TNNI3K: variants seen among roughly 807,000 people sequenced by gnomAD.
TNNI3K encodes serine/threonine-protein kinase TNNI3K.
TNNI3K carries 140 observed loss-of-function variants against 114.5 expected under a neutral mutation model. That is an observed-to-expected ratio of 1.22 (90% CI 1.07 to 1.41). The LOEUF is 1.41. TNNI3K is among the 40% of genes most tolerant of loss of function. The pLI is 0.00. For synonymous variants in TNNI3K, 347 were observed against 347.5 expected (o/e 1.00, Z 0.02); for missense variants, 1,125 against 1,007.6 (o/e 1.12, Z -1.58).
chr1:74,461,016 T>C (rs935405039), intron 20 of TNNI3K, among the ~76,000 whole-genome samples: 7 of 152,212 alleles, frequency 4.6e-5, no homozygotes, highest in Admixed American at 4.6e-4. Context: ...CATTAGACTA[T>C]GCACAACTAT....
intron 22 of TNNI3K, among the ~76,000 whole-genome samples, chr1:74,491,429 AGATGGTGTCGATCTGTTGACCAG>A (rs1669070539): frequency 1.3e-5 from 2 of 152,158 alleles, no homozygotes. Flanking sequence ...CATGTTGACC[AGATGGTGTCGATCTGTTGACCAG>A]GATGGTGTCG....
chr1:74,419,107 G>C (rs1665273787), intron 17 of TNNI3K, among the ~76,000 whole-genome samples: 1 of 152,048 alleles, frequency 6.6e-6, no homozygotes, highest in Non-Finnish European at 1.5e-5. Context: ...CTGGAGGGCA[G>C]ATTCAAAGTT....
At chr1:74,534,059 C>A (rs919760312) in intron 23 of TNNI3K, among the ~76,000 whole-genome samples, 6 of 152,156 alleles carry the variant, frequency 3.9e-5, no homozygotes, top group African/African-American at 1.2e-4. Flanking sequence ...AGACACCCCA[C>A]AGGGGTTTTA....
At chr1:74,451,728 T>C (rs1479868655) in intron 20 of TNNI3K, among the ~76,000 whole-genome samples, 18 of 73,530 alleles carry the variant, frequency 2.4e-4, no homozygotes, top group African/African-American at 9.6e-4. Flanking sequence ...TCTTTCTTTC[T>C]TTCTTTCTTT....
intron 23 of TNNI3K, among the ~76,000 whole-genome samples, chr1:74,534,527 G>T (rs746089685): frequency 1.4e-4 from 22 of 152,236 alleles, no homozygotes; most frequent in Middle Eastern, 3.4e-3. Flanking sequence ...GGCTCTAAAT[G>T]GGGCCATTTG....
At chr1:74,365,199 T>C (rs1283660029) in intron 11 of TNNI3K, among the ~76,000 whole-genome samples, 1 of 152,118 alleles carries the variant, frequency 6.6e-6, no homozygotes, top group South Asian at 2.1e-4. Context: ...CAAGGGTGGA[T>C]TATCGTTTCT....
chr1:74,320,249 T>A (rs983284160), intron 5 of TNNI3K, among the ~76,000 whole-genome samples: 4 of 152,200 alleles, frequency 2.6e-5, no homozygotes, highest in African/African-American at 9.7e-5. Flanking sequence ...TCTGACTAGA[T>A]GATGTGTGTT....
At chr1:74,485,736 G>A (rs982917558) in intron 21 of TNNI3K, among the ~76,000 whole-genome samples, 2 of 152,110 alleles carry the variant, frequency 1.3e-5, no homozygotes, top group African/African-American at 4.8e-5. Flanking sequence ...TGCCCTTGCC[G>A]GTTAGGAAAA....
chr1:74,450,996 A>G (rs1356827899), intron 20 of TNNI3K, among the ~76,000 whole-genome samples: 1 of 152,206 alleles, frequency 6.6e-6, no homozygotes, highest in Non-Finnish European at 1.5e-5. Context: ...GATGGAATCA[A>G]CCCAAATGCC....
intron 17 of TNNI3K, among the ~76,000 whole-genome samples, chr1:74,428,665 G>A (rs898054653): frequency 2.0e-5 from 3 of 152,052 alleles, no homozygotes; most frequent in African/African-American, 7.2e-5. Context: ...CCTGAAGCAG[G>A]GGCTCATGCC....
chr1:74,451,991 G>T (rs45441693), intron 20 of TNNI3K, among the ~76,000 whole-genome samples: 3,395 of 151,810 alleles, frequency 0.022, 119 homozygotes, highest in African/African-American at 0.079. Context: ...AACATCCACT[G>T]AAATAATATT....
intron 2 of TNNI3K, among the ~76,000 whole-genome samples, chr1:74,242,765 G>T (rs1464149696): frequency 6.6e-6 from 1 of 152,100 alleles, no homozygotes; most frequent in Non-Finnish European, 1.5e-5. Context: ...TTTCTTGTTT[G>T]TCCAGGTAAA....
intron 18 of TNNI3K, 55 bp from the exon 19 acceptor site, chr1:74,436,419 T>C (rs2100663135): frequency 1.3e-6 from 2 of 1,526,766 alleles, no homozygotes; most frequent in East Asian, 4.8e-5. Flanking sequence ...CTGTGATCTT[T>C]TACCTTGGTT....
chr1:74,316,271 G>T (rs1386705061), intron 5 of TNNI3K, among the ~76,000 whole-genome samples: 2 of 152,176 alleles, frequency 1.3e-5, no homozygotes, highest in Non-Finnish European at 2.9e-5. Context: ...GCCTAAAAGA[G>T]GGTAACTTGA....
intron 4 of TNNI3K, among the ~76,000 whole-genome samples, chr1:74,261,692 C>G (rs1203167484): frequency 1.3e-5 from 2 of 152,132 alleles, no homozygotes; most frequent in Non-Finnish European, 1.5e-5. Flanking sequence ...ACATGTAACT[C>G]TCATTCAATA....
intron 21 of TNNI3K, among the ~76,000 whole-genome samples, chr1:74,476,635 G>A (rs899480823): frequency 1.5e-4 from 23 of 152,052 alleles, no homozygotes; most frequent in Non-Finnish European, 2.9e-4. Flanking sequence ...AATCATTGGT[G>A]ATCTAATCTT....
intron 17 of TNNI3K, chr1:74,376,956 T>C (rs1311871229): frequency 1.3e-5 from 2 of 152,066 alleles, no homozygotes; most frequent in Non-Finnish European, 2.9e-5. Context: ...AACATTGTTC[T>C]AGTGCAGTGG....
intron 5 of TNNI3K, among the ~76,000 whole-genome samples, chr1:74,305,558 A>T (rs1658580448): frequency 6.6e-6 from 1 of 152,130 alleles, no homozygotes; most frequent in Non-Finnish European, 1.5e-5. Flanking sequence ...TGCCAAGTGG[A>T]AGGGGCACAT....
rs545763509 is a variant in TNNI3K at position 74,470,495 on chromosome 1, CAGG to C, written c.2121+6948_2121+6950del. On this transcript the variant is annotated intron_variant, in intron 21 of 24. Transcript: ENST00000326637. The stretch of plus-strand genomic sequence containing the variant: ...AGGTGCCAAACGGCTTGACTACTAA[CAGG>C]AGAAGTACTGATATCCTTGGGAAGT... The C allele has an allele frequency of 1.5e-3, 615 of 400,664 alleles. 5 individuals are homozygous for C. Among genetic ancestry groups the C allele is most frequent in the African/African-American group, 0.011 (543 of 48,788 alleles). 24.8% of individuals were successfully genotyped at this position (400,664 alleles called of 1,614,324 possible).
Sources: gnomAD v4.1 joint callset for allele counts (sites outside exome capture counted in the v4.1 genomes callset) on GRCh38, gnomAD v4.1.1 for gene constraint, MANE v1.5 for transcripts, NCBI Gene and HGNC (gene_info 2026-07-23, HGNC 2026-07-21) for gene names.